KCNC2: variants seen among roughly 807,000 people sequenced by gnomAD.
The protein encoded by KCNC2 is voltage-gated potassium channel KCNC2.
In KCNC2, 21 loss-of-function variants were observed where a neutral mutation model predicts 44.5. The observed-to-expected ratio is 0.47, with a 90% CI of 0.33 to 0.68. The LOEUF is 0.68. Ranked by LOEUF, KCNC2 falls within the 30% of genes least tolerant of loss-of-function variation. The probability of loss-of-function intolerance (pLI) is 0.01; values close to 1 mark genes in which losing one functional copy is unlikely to be tolerated. For synonymous variants in KCNC2, 391 were observed against 339.1 expected, an observed-to-expected ratio of 1.15 and a Z score of -1.68; for missense variants, 589 against 826.2, an observed-to-expected ratio of 0.71 and a Z score of 3.52.
intron 2 of KCNC2, among the ~76,000 whole-genome samples, chr12:75,141,884 A>G (rs1889679423): frequency 6.6e-6 from 1 of 152,174 alleles, no homozygotes; most frequent in Non-Finnish European, 1.5e-5. Context: ...ACCGTATGTC[A>G]TCCTGTGCTA....
chr12:75,055,334 A>AGG (rs1881625310), intron 2 of KCNC2, among the ~76,000 whole-genome samples: 11 of 152,132 alleles, frequency 7.2e-5, no homozygotes, highest in Non-Finnish European at 1.6e-4. Flanking sequence ...AGCAAAAAAA[A>AGG]AAGCCAAATT....
chr12:75,084,267 G>T (rs1010606998), intron 2 of KCNC2, among the ~76,000 whole-genome samples: 257 of 59,378 alleles, frequency 4.3e-3, no homozygotes, highest in Middle Eastern at 8.8e-3. Flanking sequence ...TAGATAGATA[G>T]ATTAGATAGA....
intron 2 of KCNC2, among the ~76,000 whole-genome samples, chr12:75,112,164 A>C (rs1887307976): frequency 6.6e-6 from 1 of 152,000 alleles, no homozygotes; most frequent in Admixed American, 6.6e-5. Flanking sequence ...AATAAAAGAT[A>C]AGTTAGCCCA....
At chr12:75,092,208 T>C (rs1885544576) in intron 2 of KCNC2, among the ~76,000 whole-genome samples, 1 of 151,560 alleles carries the variant, frequency 6.6e-6, no homozygotes, top group Non-Finnish European at 1.5e-5. Flanking sequence ...AAGAACAAAG[T>C]AAAAGCAACT....
chr12:75,198,273 G>T (rs1360674243), intron 2 of KCNC2, among the ~76,000 whole-genome samples: 1 of 151,806 alleles, frequency 6.6e-6, no homozygotes, highest in Admixed American at 6.6e-5. Flanking sequence ...TATGAAAGTT[G>T]CTCAACTTTG....
chr12:75,067,700 G>T (rs576546761), intron 2 of KCNC2, among the ~76,000 whole-genome samples: 199 of 152,246 alleles, frequency 1.3e-3, no homozygotes, highest in African/African-American at 4.2e-3. Context: ...GTGTAGAAAA[G>T]TCTTAAAAAG....
At chr12:75,113,248 C>G (rs1229344978) in intron 2 of KCNC2, among the ~76,000 whole-genome samples, 1 of 152,022 alleles carries the variant, frequency 6.6e-6, no homozygotes, top group African/African-American at 2.4e-5. Context: ...AATTAATGTA[C>G]TAACTAATCA....
At chr12:75,137,721 A>G (rs1889335237) in intron 2 of KCNC2, among the ~76,000 whole-genome samples, 2 of 152,332 alleles carry the variant, frequency 1.3e-5, no homozygotes, top group South Asian at 4.1e-4. Flanking sequence ...CAAAAAAATT[A>G]TATAAGTAAA....
chr12:75,106,812 T>C (rs1035507372), intron 2 of KCNC2, among the ~76,000 whole-genome samples: 4 of 152,218 alleles, frequency 2.6e-5, no homozygotes, highest in African/African-American at 9.6e-5. Context: ...AGAAAGCAGA[T>C]ATAAGCAATG....
intron 2 of KCNC2, among the ~76,000 whole-genome samples, chr12:75,106,333 G>GT (rs1886780729): frequency 6.6e-6 from 1 of 152,100 alleles, no homozygotes; most frequent in African/African-American, 2.4e-5. Context: ...CTTTTGAAAA[G>GT]TTTTTTCTGT....
At chr12:75,058,390 T>G (rs1013036153) in intron 2 of KCNC2, among the ~76,000 whole-genome samples, 3 of 152,078 alleles carry the variant, frequency 2.0e-5, no homozygotes, top group Non-Finnish European at 4.4e-5. Flanking sequence ...TGGTATGATA[T>G]GAACTGCTCT....
At chr12:75,172,655 T>C (rs1025717605) in intron 2 of KCNC2, among the ~76,000 whole-genome samples, 1 of 151,888 alleles carries the variant, frequency 6.6e-6, no homozygotes, top group African/African-American at 2.4e-5. Flanking sequence ...AATTTAAAAT[T>C]AATCAAAACA....
chr12:75,102,468 C>T (rs898158642), intron 2 of KCNC2, among the ~76,000 whole-genome samples: 1 of 151,904 alleles, frequency 6.6e-6, no homozygotes, highest in Non-Finnish European at 1.5e-5. Context: ...AGGAAGAAAC[C>T]AAGCCAGTGG....
intron 2 of KCNC2, among the ~76,000 whole-genome samples, chr12:75,069,926 A>G (rs1176827196): frequency 6.6e-6 from 1 of 152,188 alleles, no homozygotes; most frequent in African/African-American, 2.4e-5. Context: ...CCATCTGTAC[A>G]TCATCATCGA....
At position 75,051,152 on chromosome 12, in the gene KCNC2, C is replaced by T; in HGVS notation, c.853G>A (p.Val285Ile). Residue 285 changes from valine to isoleucine, a missense_variant, in exon 3 of 5, where the codon GTA becomes ATA. Val to Ile is a conservative substitution (Grantham distance 29). Around this residue, in one of 7 missense-constraint regions of KCNC2, gnomAD observed 40 missense variants for 40.6 expected, o/e 0.99. Transcript: ENST00000549446. ...AACCACACCACACACACTCCTTCTACATACGTCAAGGCAGGATCCGTTTCA... is the reference window on the plus strand; with the variant it reads ...AACCACACCACACACACTCCTTCTATATACGTCAAGGCAGGATCCGTTTCA... ...EIETDPALTY[V>I]EGVCVVWFTF... 6.2e-7 allele frequency: 1 copy of T among 1,613,834 alleles called. No individual in the cohort carries two copies. The highest frequency in any genetic ancestry group is 8.5e-7 in the Non-Finnish European group (1 of 1,179,828).
chr12:75,084,778 A>G (rs889440581), intron 2 of KCNC2, among the ~76,000 whole-genome samples: 2 of 152,038 alleles, frequency 1.3e-5, no homozygotes, highest in Non-Finnish European at 2.9e-5. Context: ...ACAGACACCT[A>G]GAACATTTAT....
chr12:75,125,596 T>C (rs1177472698), intron 2 of KCNC2, among the ~76,000 whole-genome samples: 1 of 152,212 alleles, frequency 6.6e-6, no homozygotes, highest in Admixed American at 6.5e-5. Context: ...CTTCACAAAG[T>C]GATCATTCTG....
intron 2 of KCNC2, among the ~76,000 whole-genome samples, chr12:75,097,385 C>CAATATAA (rs923756248): frequency 1.3e-5 from 2 of 151,916 alleles, no homozygotes; most frequent in African/African-American, 4.8e-5. Context: ...GAATGAACCC[C>CAATATAA]AATATAAACT....
chr12:75,185,671 A>G (rs1892891071), intron 2 of KCNC2, among the ~76,000 whole-genome samples: 1 of 152,172 alleles, frequency 6.6e-6, no homozygotes, highest in African/African-American at 2.4e-5. Flanking sequence ...CTATAGCAAC[A>G]CAAAACTAAG....
Sources: allele counts gnomAD v4.1 joint callset (sites outside exome capture counted in the v4.1 genomes callset), GRCh38; gene constraint gnomAD v4.1.1; regional missense constraint gnomAD v4.1.1; transcripts MANE v1.5; gene names NCBI Gene and HGNC (gene_info 2026-07-23, HGNC 2026-07-21).